Variants in SCD5 observed in about 807,000 individuals in gnomAD.
SCD5 encodes the protein stearoyl-CoA desaturase 5.
A neutral mutation model predicts 30.4 loss-of-function variants in SCD5; 20 were observed. The observed-to-expected ratio is 0.66, with a 90% CI of 0.46 to 0.96. SCD5 has a LOEUF of 0.96. Ranked by LOEUF, SCD5 falls within the 40% of genes least tolerant of loss-of-function variation. SCD5 has a pLI of 0.00. For synonymous variants in SCD5, 173 were observed against 176.4 expected, an observed-to-expected ratio of 0.98 and a Z score of 0.16; for missense variants, 381 against 443.3, an observed-to-expected ratio of 0.86 and a Z score of 1.26.
At chr4:82,791,610 C>T (rs547439682) in intron 1 of SCD5, among the ~76,000 whole-genome samples, 5 of 152,166 alleles carry the variant, frequency 3.3e-5, no homozygotes, top group Non-Finnish European at 7.3e-5. Context: ...GGCTTCCAGG[C>T]AAGCTCCTTA....
intron 1 of SCD5, among the ~76,000 whole-genome samples, chr4:82,772,375 T>C (rs776369980): frequency 9.2e-5 from 14 of 152,248 alleles, no homozygotes; most frequent in Non-Finnish European, 1.8e-4. Context: ...AAGTGGGCAT[T>C]TGACCCAGGT....
At chr4:82,774,715 T>C (rs954018116) in intron 1 of SCD5, among the ~76,000 whole-genome samples, 5 of 152,210 alleles carry the variant, frequency 3.3e-5, no homozygotes, top group Admixed American at 2.0e-4. Flanking sequence ...ATTTACTGCC[T>C]GAAGAAAACT....
rs1171013159 is a variant in SCD5, at chr4:82,631,243, C to T, written c.*84G>A. ...CTTCCCCACCCTCTGCCCCCTCCCA[C>T]GATCCAATGTACAAGAGAGCTATTG... On this transcript the variant is annotated 3_prime_UTR_variant, in exon 5 of 5. Coordinates refer to ENST00000319540, the MANE Select transcript of SCD5 (RefSeq NM_001037582.3). 8 of 1,229,086 alleles carry T rather than the reference C, an allele frequency of 6.5e-6. No homozygotes were observed. The highest frequency in any genetic ancestry group is 5.1e-5 in the East Asian group (2 of 39,572). 76.1% of individuals were successfully genotyped at this position (1,229,086 alleles called of 1,614,324 possible). A position where few individuals can be genotyped will look rare whatever the true frequency, so the allele number is the denominator to read the frequency against.
At chr4:82,664,697 A>G (rs1394077490) in intron 3 of SCD5, among the ~76,000 whole-genome samples, 1 of 152,206 alleles carries the variant, frequency 6.6e-6, no homozygotes, top group East Asian at 1.9e-4. Flanking sequence ...TCTAGACATA[A>G]CTGAGGAAAG....
chr4:82,782,426 G>C (rs1721891758), intron 1 of SCD5, among the ~76,000 whole-genome samples: 1 of 151,964 alleles, frequency 6.6e-6, no homozygotes, highest in African/African-American at 2.4e-5. Context: ...CCCATAGCAG[G>C]GCTGGTCCTT....
chr4:82,764,247 G>C (rs1175485238), intron 1 of SCD5, among the ~76,000 whole-genome samples: 2 of 152,212 alleles, frequency 1.3e-5, no homozygotes, highest in Admixed American at 6.5e-5. Context: ...TGACTAGGTA[G>C]AAAAGAACAC....
chr4:82,663,936 C>A (rs986968685), intron 3 of SCD5, among the ~76,000 whole-genome samples: 1 of 152,198 alleles, frequency 6.6e-6, no homozygotes, highest in Admixed American at 6.5e-5. Flanking sequence ...TGCAGGAATG[C>A]TAAGAAACCC....
rs574243260 is a variant in SCD5, at chr4:82,683,292, A to G, written c.364-2380T>C. 2.6e-5 allele frequency among the ~76,000 whole-genome samples: 4 copies of G among 152,332 alleles called. No individual in the cohort carries two copies. In the East Asian group the frequency reaches 5.8e-4, roughly 22 times the overall value. ...ATCACAGAATTTGGAGGTGTAAAAT[A>G]ATTTCAAATGTCAATCAAGACTGCT... On this transcript the variant is annotated intron_variant, in intron 2 of 4. Coordinates refer to ENST00000319540, the MANE Select transcript of SCD5 (RefSeq NM_001037582.3).
intron 1 of SCD5, among the ~76,000 whole-genome samples, chr4:82,719,032 G>C (rs971703865): frequency 4.0e-5 from 6 of 151,750 alleles, no homozygotes; most frequent in African/African-American, 1.5e-4. Flanking sequence ...GGGGCTCGCT[G>C]CTAGCCGAGT....
At chr4:82,713,584 C>T (rs1191244701) in intron 1 of SCD5, among the ~76,000 whole-genome samples, 1 of 152,144 alleles carries the variant, frequency 6.6e-6, no homozygotes, top group Non-Finnish European at 1.5e-5. Context: ...AATTACTGGT[C>T]CAGTGCTATC....
intron 1 of SCD5, among the ~76,000 whole-genome samples, chr4:82,748,331 C>T (rs995135215): frequency 2.0e-5 from 3 of 150,710 alleles, no homozygotes; most frequent in Non-Finnish European, 2.9e-5. Context: ...GCACAGGGCA[C>T]GGGGGAGAGG....
chr4:82,726,786 G>T (rs1720508717), intron 1 of SCD5, among the ~76,000 whole-genome samples: 1 of 152,118 alleles, frequency 6.6e-6, no homozygotes, highest in Non-Finnish European at 1.5e-5. Context: ...GAGACGCGCT[G>T]GACTGGATAA....
intron 1 of SCD5, among the ~76,000 whole-genome samples, chr4:82,753,707 C>T (rs926150851): frequency 6.6e-6 from 1 of 152,136 alleles, no homozygotes; most frequent in Admixed American, 6.5e-5. Context: ...GTATTAAATG[C>T]ATCCATATTT....
chr4:82,631,372 C>A lies in SCD5; in HGVS notation c.948G>T (p.Pro316=). 2 of 1,613,982 alleles carry A rather than the reference C, an allele frequency of 1.2e-6. No homozygotes were observed. The highest frequency in any genetic ancestry group is 1.1e-5 in the South Asian group (1 of 91,074). The change falls in exon 5 of 5, where the codon CCG becomes CCT. Residue 316 remains proline (P), a synonymous_variant. Transcript: ENST00000319540. ...LATDRKRATK[P]MIEARKARTG... ...TCCTGGCCTTCCGGGCCTCGATCAT[C>A]GGCTTGGTTGCCCGTTTGCGGTCAG...
chr4:82,687,483 C>T (rs577289185), intron 2 of SCD5, among the ~76,000 whole-genome samples: 1 of 152,292 alleles, frequency 6.6e-6, no homozygotes, highest in African/African-American at 2.4e-5. Flanking sequence ...AGCTTCTCCT[C>T]GATGAAGCAG....
intron 1 of SCD5, among the ~76,000 whole-genome samples, chr4:82,734,988 C>T (rs970303578): frequency 6.6e-6 from 1 of 151,898 alleles, no homozygotes; most frequent in Non-Finnish European, 1.5e-5. Flanking sequence ...AGGCTGGTCT[C>T]GAACTCCTGA....
chr4:82,669,351 C>T (rs1465922757), intron 3 of SCD5, among the ~76,000 whole-genome samples: 2 of 150,340 alleles, frequency 1.3e-5, no homozygotes, highest in South Asian at 4.2e-4. Flanking sequence ...TCCGGTTCCA[C>T]ATGAAGAGCT....
chr4:82,720,595 G>T (rs934991703), intron 1 of SCD5, among the ~76,000 whole-genome samples: 3 of 152,032 alleles, frequency 2.0e-5, no homozygotes, highest in Admixed American at 6.6e-5. Flanking sequence ...GTTAGAGGGG[G>T]AAATCACCCT....
intron 3 of SCD5, among the ~76,000 whole-genome samples, chr4:82,654,953 T>G (rs971244279): frequency 6.6e-6 from 1 of 152,230 alleles, no homozygotes; most frequent in Non-Finnish European, 1.5e-5. Context: ...AAAGAAGTCT[T>G]AACTGAGAAT....
Sources: gnomAD v4.1 joint callset for allele counts (sites outside exome capture counted in the v4.1 genomes callset) on GRCh38, gnomAD v4.1.1 for gene constraint, MANE v1.5 for transcripts, NCBI Gene and HGNC (gene_info 2026-07-23, HGNC 2026-07-21) for gene names.